The following CNTNAP2 variants were observed in gnomAD, a reference collection of about 807,000 sequenced individuals.
CNTNAP2 encodes the protein contactin-associated protein-like 2.
CNTNAP2 carries 98 observed loss-of-function variants against 155.2 expected under a neutral mutation model. That is an observed-to-expected ratio of 0.63 (90% CI 0.54 to 0.75). CNTNAP2 has a LOEUF of 0.75. Among genes scored for constraint, CNTNAP2 ranks in the 30% least tolerant of loss-of-function variants. The pLI is 0.00. For synonymous variants in CNTNAP2, 651 were observed against 631.2 expected, an observed-to-expected ratio of 1.03 and a Z score of -0.47; for missense variants, 1,727 against 1,688.1, an observed-to-expected ratio of 1.02 and a Z score of -0.40.
intron 1 of CNTNAP2, among the ~76,000 whole-genome samples, chr7:146,771,672 ATAT>A (rs1428336875): frequency 1.3e-5 from 2 of 152,324 alleles, no homozygotes; most frequent in East Asian, 1.9e-4. Context: ...AATTTTACAA[ATAT>A]TATATGAAGA....
intron 21 of CNTNAP2, among the ~76,000 whole-genome samples, chr7:148,367,073 A>G (rs1468216975): frequency 2.0e-5 from 3 of 152,268 alleles, no homozygotes; most frequent in Admixed American, 6.5e-5. Flanking sequence ...TCTACTAAAA[A>G]TACAAAAATT....
At chr7:148,164,275 T>C (rs1005318312) in intron 17 of CNTNAP2, among the ~76,000 whole-genome samples, 1 of 152,184 alleles carries the variant, frequency 6.6e-6, no homozygotes, top group Non-Finnish European at 1.5e-5. Flanking sequence ...AAGTTGATGC[T>C]TCAGACCTAA....
In CNTNAP2 at chr7:147,934,592, C is replaced by CA. The variant is rs923140779; in HGVS notation, c.2255+30877dup. Among the ~76,000 whole-genome samples, 292 of 152,162 alleles carry CA rather than the reference C, an allele frequency of 1.9e-3. 2 individuals are homozygous for CA. Among genetic ancestry groups the CA allele is most frequent in the Non-Finnish European group, 5.9e-4 (40 of 67,996 alleles). The stretch of plus-strand genomic sequence containing the variant: ...AGAAATAGAAATCAAAATAGACAAA[C>CA]AAAAAACTAGAAAGAATCTGAGAGC... On this transcript the variant is annotated intron_variant, in intron 14 of 23. Coordinates refer to ENST00000361727, the MANE Select transcript of CNTNAP2 (RefSeq NM_014141.6).
chr7:147,440,029 C>T (rs1323352153), intron 10 of CNTNAP2, among the ~76,000 whole-genome samples: 1 of 151,858 alleles, frequency 6.6e-6, no homozygotes, highest in Non-Finnish European at 1.5e-5. Context: ...TCAGCCACTT[C>T]TTTTCATTGG....
At chr7:147,215,642 T>G (rs1803251933) in intron 8 of CNTNAP2, among the ~76,000 whole-genome samples, 1 of 152,196 alleles carries the variant, frequency 6.6e-6, no homozygotes, top group Non-Finnish European at 1.5e-5. Context: ...ATAAAGCTGC[T>G]TATAAACATT....
At chr7:147,322,054 T>C (rs1795361302) in intron 9 of CNTNAP2, among the ~76,000 whole-genome samples, 1 of 152,186 alleles carries the variant, frequency 6.6e-6, no homozygotes, top group Non-Finnish European at 1.5e-5. Context: ...CTGCTTTATA[T>C]TTAGTACAAG....
chr7:146,847,068 A>G (rs1038072257), intron 3 of CNTNAP2, among the ~76,000 whole-genome samples: 2 of 151,874 alleles, frequency 1.3e-5, no homozygotes, highest in Non-Finnish European at 2.9e-5. Context: ...AATTTTTTTT[A>G]TCGTGTCAAG....
intron 21 of CNTNAP2, among the ~76,000 whole-genome samples, chr7:148,324,196 A>G (rs916127302): frequency 6.6e-6 from 1 of 151,960 alleles, no homozygotes; most frequent in African/African-American, 2.4e-5. Flanking sequence ...CTGAAACCCC[A>G]TTTAATTTTC....
intron 1 of CNTNAP2, among the ~76,000 whole-genome samples, chr7:146,344,358 A>G (rs1208861260): frequency 3.3e-5 from 5 of 152,230 alleles, no homozygotes; most frequent in Non-Finnish European, 7.3e-5. Flanking sequence ...TTTAGTGTAA[A>G]AAACATAGTT....
chr7:147,752,606 A>G lies in CNTNAP2; in HGVS notation c.2098+113300A>G, dbSNP rs147652516. The stretch of plus-strand genomic sequence containing the variant: ...TAAGAGGTGGAAAAATGAGCTCTCA[A>G]TGTCCACCTGGGTTTTGAAAAGGTA... On this transcript the variant is annotated intron_variant, in intron 13 of 23. Transcript: ENST00000361727. 7.2e-4 allele frequency among the ~76,000 whole-genome samples: 110 copies of G among 152,330 alleles called. 1 individual carries two copies. The highest frequency in any genetic ancestry group is 2.4e-3 in the Admixed American group (36 of 15,300).
chr7:147,472,366 C>A (rs1352829383), intron 10 of CNTNAP2, among the ~76,000 whole-genome samples: 2 of 151,864 alleles, frequency 1.3e-5, no homozygotes, highest in African/African-American at 2.4e-5. Context: ...GCATGCCCCA[C>A]CACGCCTGGC....
At chr7:146,334,288 G>A (rs1448874379) in intron 1 of CNTNAP2, among the ~76,000 whole-genome samples, 2 of 152,090 alleles carry the variant, frequency 1.3e-5, no homozygotes, top group African/African-American at 4.8e-5. Context: ...AAAATGAGCT[G>A]GGCGTGGTGG....
At chr7:146,896,410 A>ATT (rs578262307) in intron 3 of CNTNAP2, among the ~76,000 whole-genome samples, 1 of 150,278 alleles carries the variant, frequency 6.7e-6, no homozygotes, top group African/African-American at 2.4e-5. Flanking sequence ...CCACGTGTAC[A>ATT]TTTTTTTTTC....
At chr7:147,130,764 T>C (rs989495639) in intron 7 of CNTNAP2, among the ~76,000 whole-genome samples, 1 of 152,146 alleles carries the variant, frequency 6.6e-6, no homozygotes, top group Non-Finnish European at 1.5e-5. Flanking sequence ...TCCCTCATTA[T>C]GCATTGACTC....
At chr7:146,156,374 C>G (rs1255898661) in intron 1 of CNTNAP2, among the ~76,000 whole-genome samples, 5 of 152,018 alleles carry the variant, frequency 3.3e-5, no homozygotes, top group African/African-American at 4.8e-5. Context: ...TTATTTAATC[C>G]ATCTTTTGAA....
At chr7:147,214,615 G>T (rs576576733) in intron 8 of CNTNAP2, among the ~76,000 whole-genome samples, 14 of 152,116 alleles carry the variant, frequency 9.2e-5, no homozygotes, top group Non-Finnish European at 1.5e-4. Context: ...AGGAAAACAG[G>T]TTATATCAAA....
intron 9 of CNTNAP2, among the ~76,000 whole-genome samples, chr7:147,329,047 T>C (rs1275759282): frequency 6.6e-6 from 1 of 152,088 alleles, no homozygotes; most frequent in Non-Finnish European, 1.5e-5. Flanking sequence ...TGTCTCTACC[T>C]TGAAACTGCA....
intron 1 of CNTNAP2, among the ~76,000 whole-genome samples, chr7:146,493,267 G>A (rs1171548719): frequency 6.6e-6 from 1 of 152,116 alleles, no homozygotes; most frequent in African/African-American, 2.4e-5. Context: ...TCCCTGACAA[G>A]TGTCCCATTT....
At chr7:146,785,785 T>C (rs1222329390) in intron 2 of CNTNAP2, among the ~76,000 whole-genome samples, 1 of 152,170 alleles carries the variant, frequency 6.6e-6, no homozygotes, top group Non-Finnish European at 1.5e-5. Context: ...TTTCAACACT[T>C]CCAATATTGT....
Sources: gnomAD v4.1 joint callset for allele counts (sites outside exome capture counted in the v4.1 genomes callset) on GRCh38, gnomAD v4.1.1 for gene constraint, MANE v1.5 for transcripts, NCBI Gene and HGNC (gene_info 2026-07-23, HGNC 2026-07-21) for gene names.